The following DGKH variants were observed in gnomAD, a reference collection of about 807,000 sequenced individuals.
DGKH encodes the protein diacylglycerol kinase eta, also known as DAG kinase eta.
DGKH carries 90 observed loss-of-function variants against 159.3 expected under a neutral mutation model. The observed-to-expected ratio is 0.57, with a 90% CI of 0.48 to 0.67. The LOEUF is 0.67. Ranked by LOEUF, DGKH falls within the 30% of genes least tolerant of loss-of-function variation. The pLI is 0.00. For missense variants in DGKH, 1,181 were observed against 1,506.1 expected, an observed-to-expected ratio of 0.78 and a Z score of 3.57; for synonymous variants, 536 against 553.8, an observed-to-expected ratio of 0.97 and a Z score of 0.45.
intron 1 of DGKH, among the ~76,000 whole-genome samples, chr13:42,126,394 G>A (rs1015112912): frequency 3.3e-5 from 5 of 152,118 alleles, no homozygotes; most frequent in African/African-American, 1.2e-4. Flanking sequence ...GTCAGCCAGA[G>A]GGATATCTGA....
At chr13:42,159,814 G>A (rs998353775) in intron 6 of DGKH, among the ~76,000 whole-genome samples, 197 bp from the exon 7 acceptor site, 7 of 152,142 alleles carry the variant, frequency 4.6e-5, no homozygotes, top group African/African-American at 1.7e-4. Context: ...GAACCCTGAA[G>A]GGAAAAGCTT....
At chr13:42,108,455 T>C (rs1329833704) in intron 1 of DGKH, among the ~76,000 whole-genome samples, 3 of 152,156 alleles carry the variant, frequency 2.0e-5, no homozygotes, top group Non-Finnish European at 4.4e-5. Context: ...GCTGAATTCA[T>C]TTGGAATTCC....
rs139859193 is a variant in DGKH, at chr13:42,174,077, A to G, written c.1385A>G (p.Tyr462Cys). Reference sequence around the variant, plus strand: ...CCCTTCAGGTGGAGTATAATGACATATGAACTCAAATTGCCACCAAAAGCT... The same window carrying G: ...CCCTTCAGGTGGAGTATAATGACATGTGAACTCAAATTGCCACCAAAAGCT... The part of the protein sequence containing the change: ...KMLDRWSIMT[Y>C]ELKLPPKASL... Residue 462 changes from tyrosine (Y) to cysteine (C), a missense_variant, in exon 12 of 30, where the codon TAT (tyrosine) becomes TGT (cysteine). Tyr to Cys is a radical substitution (Grantham distance 194). Coordinates refer to ENST00000337343, the MANE Select transcript of DGKH (RefSeq NM_178009.5). 1.5e-5 allele frequency: 24 copies of G among 1,613,804 alleles called. No homozygotes were observed. In the African/African-American group the frequency reaches 2.3e-4, roughly 15 times the overall value.
intron 9 of DGKH, 72 bp from the exon 10 acceptor site, chr13:42,168,368 A>G (rs1438856598): frequency 7.7e-7 from 1 of 1,292,054 alleles, no homozygotes; most frequent in African/African-American, 1.5e-5. Flanking sequence ...GAATACTGAT[A>G]CAGAATAACA....
intron 17 of DGKH, among the ~76,000 whole-genome samples, chr13:42,195,288 C>G (rs1310492188): frequency 6.6e-6 from 1 of 151,984 alleles, no homozygotes; most frequent in African/African-American, 2.4e-5. Context: ...ATCACAAGGT[C>G]AGGAGTTCGA....
chr13:42,103,591 G>T (rs1026112604), intron 1 of DGKH, among the ~76,000 whole-genome samples: 1 of 152,104 alleles, frequency 6.6e-6, no homozygotes, highest in Non-Finnish European at 1.5e-5. Flanking sequence ...CAGAAAAAGG[G>T]TTCTCTCTTG....
At chr13:42,087,243 G>T (rs1170203) in intron 1 of DGKH, among the ~76,000 whole-genome samples, 1 of 152,042 alleles carries the variant, frequency 6.6e-6, no homozygotes, top group Non-Finnish European at 1.5e-5. Flanking sequence ...TAGCCTTAGA[G>T]TAAAGGCTGC....
At chr13:42,070,308 G>A (rs1882874041) in intron 1 of DGKH, 8 of 1,303,022 alleles carry the variant, frequency 6.1e-6, no homozygotes, top group South Asian at 4.7e-5. Flanking sequence ...CTGGAATTAC[G>A]CTGAGAAGCT....
intron 24 of DGKH, among the ~76,000 whole-genome samples, chr13:42,211,238 C>G (rs908697383): frequency 1.3e-5 from 2 of 152,142 alleles, no homozygotes; most frequent in Non-Finnish European, 2.9e-5. Flanking sequence ...CAGTGTCTTA[C>G]CTCCTCACCT....
At chr13:42,198,880 T>G (rs1957275017) in intron 18 of DGKH, among the ~76,000 whole-genome samples, 1 of 152,166 alleles carries the variant, frequency 6.6e-6, no homozygotes. Context: ...GCTATTCCCT[T>G]TACCTCCTTT....
rs890171643 is a variant in DGKH, at chr13:42,237,961, A to G, written c.*8773A>G. On this transcript the variant is annotated 3_prime_UTR_variant, in exon 30 of 30. Transcript: ENST00000337343. Reference sequence around the variant, plus strand: ...TGGATTTTTTCCTTTCACTGAAACAACAAAACAATTATTGAAATTCACAAT... The same window carrying G: ...TGGATTTTTTCCTTTCACTGAAACAGCAAAACAATTATTGAAATTCACAAT... 3 of 152,228 alleles carry G rather than the reference A, an allele frequency of 2.0e-5. No individual in the cohort carries two copies. Among genetic ancestry groups the G allele is most frequent in the East Asian group, 3.8e-4 (2 of 5,200 alleles). 9.4% of individuals were successfully genotyped at this position (152,228 alleles called of 1,614,324 possible).
At chr13:42,163,744 T>C (rs1272946070) in intron 7 of DGKH, among the ~76,000 whole-genome samples, 4 of 151,766 alleles carry the variant, frequency 2.6e-5, no homozygotes, top group Admixed American at 1.3e-4. Flanking sequence ...TTGAGTTCAT[T>C]GTAGATTCTG....
At chr13:42,198,828 G>A (rs755305343) in intron 18 of DGKH, among the ~76,000 whole-genome samples, 47 of 152,204 alleles carry the variant, frequency 3.1e-4, no homozygotes, top group South Asian at 6.2e-4. Context: ...CTCTCTGAGA[G>A]CAACCCTCTG....
At chr13:42,176,316 C>T (rs1956602719) in intron 12 of DGKH, among the ~76,000 whole-genome samples, 1 of 152,100 alleles carries the variant, frequency 6.6e-6, no homozygotes, top group Non-Finnish European at 1.5e-5. Flanking sequence ...TAAAACCAAT[C>T]TCTGGAGAAC....
intron 1 of DGKH, among the ~76,000 whole-genome samples, chr13:42,080,122 A>C (rs1343396964): frequency 6.6e-6 from 1 of 152,202 alleles, no homozygotes; most frequent in Non-Finnish European, 1.5e-5. Context: ...TGTTTTCACT[A>C]TACCCAAATA....
At chr13:42,176,911 T>A (rs1253942099) in intron 12 of DGKH, among the ~76,000 whole-genome samples, 1 of 152,238 alleles carries the variant, frequency 6.6e-6, no homozygotes, top group Non-Finnish European at 1.5e-5. Flanking sequence ...GGAAAATGTA[T>A]GTGGTCTTTC....
chr13:42,183,800 A>T lies in DGKH; in HGVS notation c.1539-3249A>T, dbSNP rs79066163. On this transcript the variant is annotated intron_variant, in intron 13 of 29. Coordinates refer to ENST00000337343, the MANE Select transcript of DGKH (RefSeq NM_178009.5). Reference sequence around the variant, plus strand: ...CCATTTATTAGTAAAAATGTAAAACAGTTATTAAATAAGTTGTCTTTAGCT... The same window carrying T: ...CCATTTATTAGTAAAAATGTAAAACTGTTATTAAATAAGTTGTCTTTAGCT... 9.8e-3 allele frequency among the ~76,000 whole-genome samples: 1,489 copies of T among 152,346 alleles called. 25 individuals are homozygous for T. The highest frequency in any genetic ancestry group is 0.034 in the African/African-American group (1,396 of 41,572).
In DGKH at chr13:42,230,860, T is replaced by A. The variant is rs1160232202; in HGVS notation, c.*1672T>A. On this transcript the variant is annotated 3_prime_UTR_variant, in exon 30 of 30. Transcript: ENST00000337343. ...AACTATTGTCAGGCATATTATTTAA[T>A]TACATCAAAGGAGTTTAACTGTTTG... The A allele has an allele frequency of 6.6e-6, 1 of 152,168 alleles. No homozygotes were observed. Among genetic ancestry groups the A allele is most frequent in the Non-Finnish European group, 1.5e-5 (1 of 68,012 alleles). The allele number at this position is 152,168 out of a possible 1,614,324, so 9.4% of individuals were successfully genotyped here.
intron 1 of DGKH, among the ~76,000 whole-genome samples, chr13:42,079,688 A>G (rs1954164897): frequency 6.6e-6 from 1 of 152,154 alleles, no homozygotes; most frequent in South Asian, 2.1e-4. Context: ...ACCACCTCCT[A>G]ACTTTGTATG....
Sources: gnomAD v4.1 joint callset for allele counts (sites outside exome capture counted in the v4.1 genomes callset) on GRCh38, gnomAD v4.1.1 for gene constraint, MANE v1.5 for transcripts, NCBI Gene and HGNC (gene_info 2026-07-23, HGNC 2026-07-21) for gene names.